SAMD11: variants seen among roughly 807,000 people sequenced by gnomAD.
SAMD11 encodes sterile alpha motif domain-containing protein 11.
SAMD11 carries 77 observed loss-of-function variants against 64.4 expected under a neutral mutation model. That is an observed-to-expected ratio of 1.20 (90% CI 0.99 to 1.44). The LOEUF is 1.44. Among genes scored for constraint, SAMD11 ranks in the 40% most tolerant of loss-of-function variants. SAMD11 has a pLI of 0.00. For synonymous variants in SAMD11, 658 were observed against 421.9 expected, an observed-to-expected ratio of 1.56 and a Z score of -6.86; for missense variants, 1,402 against 943.3, an observed-to-expected ratio of 1.49 and a Z score of -6.37.
In SAMD11 at chr1:942,891, C is replaced by T. The variant is rs754468595; in HGVS notation, c.1886C>T (p.Pro629Leu). The change falls in exon 11 of 14, where the codon CCC becomes CTC. Residue 629 changes from proline (P) to leucine (L), a missense_variant. Transcript: ENST00000616016. ...CAAGATGGCTCGGAAGACGAGCCCC[C>T]CAAAGACTCGGACGGAGAGGACCCC... ...WAQDGSEDEP[P>L]KDSDGEDPET... The T allele has an allele frequency of 6.4e-7, 1 of 1,555,852 alleles. No individual in the cohort carries two copies. Among genetic ancestry groups the T allele is most frequent in the South Asian group, 1.2e-5 (1 of 84,516 alleles).
intron 2 of SAMD11, among the ~76,000 whole-genome samples, chr1:927,591 T>C (rs544769471): frequency 6.6e-6 from 1 of 152,338 alleles, no homozygotes; most frequent in South Asian, 2.1e-4. Flanking sequence ...CCCATGTTTC[T>C]TACTCAGAGG....
Position 943,745 on chromosome 1 carries a change from G to C in SAMD11, c.2226G>C (p.Thr742=), listed in dbSNP as rs531354544. 1 of 1,608,818 alleles carries C rather than the reference G, an allele frequency of 6.2e-7. No individual in the cohort carries two copies. Among genetic ancestry groups the C allele is most frequent in the African/African-American group, 1.3e-5 (1 of 74,858 alleles). The change falls in exon 13 of 14, where the codon ACG becomes ACC. Residue 742 remains threonine, a synonymous_variant. Coordinates refer to ENST00000616016, the MANE Select transcript of SAMD11 (RefSeq NM_001385641.1). Reference sequence around the variant, plus strand: ...ACGGGGAGACCCTGCCACTGCTGACGGAGGAGCACCTGCTGACCAACATGG... The same window carrying C: ...ACGGGGAGACCCTGCCACTGCTGACCGAGGAGCACCTGCTGACCAACATGG... ...GIDGETLPLL[T]EEHLLTNMGL... is the part of the protein sequence containing the mutation.
intron 4 of SAMD11, 123 bp from the exon 5 acceptor site, chr1:935,649 G>A (rs1015638679): frequency 2.2e-6 from 3 of 1,341,062 alleles, no homozygotes; most frequent in Non-Finnish European, 2.1e-6. Context: ...CGTGGGCACA[G>A]CAACGTGGCA....
At position 941,970 on chromosome 1, in the gene SAMD11, G is replaced by A. The variant is rs956173040; in HGVS notation, c.1359-166G>A. The A allele has an allele frequency of 1.8e-4, 65 of 368,578 alleles. No homozygotes were observed. In the Middle Eastern group the frequency reaches 3.6e-3, roughly 20 times the overall value. The allele number at this position is 368,578 out of a possible 1,614,324, so 22.8% of individuals were successfully genotyped here. The stretch of plus-strand genomic sequence containing the variant: ...CTCCGCGCCGCCGCCGAGATTAATT[G>A]GCGCCGCCGGCGGGGGCGGGGATGG... On this transcript the variant is annotated intron_variant, in intron 8 of 13. Transcript: ENST00000616016.
chr1:938,293 C>T (rs550811155), intron 5 of SAMD11, among the ~76,000 whole-genome samples: 14 of 151,264 alleles, frequency 9.3e-5, no homozygotes, highest in African/African-American at 3.1e-4. Context: ...CTGGCCTGGG[C>T]CTCCCCTCTG....
At chr1:939,468 C>G (rs769144118) in intron 7 of SAMD11, 56 bp downstream of exon 7, 2 of 1,548,104 alleles carry the variant, frequency 1.3e-6, no homozygotes, top group African/African-American at 1.4e-5. Flanking sequence ...ACGGTGAGGA[C>G]CCACCCTGGC....
At chr1:938,870 A>T (rs1641598745) in intron 5 of SAMD11, among the ~76,000 whole-genome samples, 170 bp from the exon 6 acceptor site, 1 of 152,078 alleles carries the variant, frequency 6.6e-6, no homozygotes, top group Admixed American at 6.5e-5. Flanking sequence ...GCCAGGCGTG[A>T]TGTCCTCTGC....
chr1:940,348 AC>A lies in SAMD11; in HGVS notation c.1196-793del, dbSNP rs1257793064. 1.0e-4 allele frequency: 15 copies of A among 143,696 alleles called. No homozygotes were observed. The East Asian group carries it at 3.2e-3, about 31-fold the overall frequency. 8.9% of individuals were successfully genotyped at this position (143,696 alleles called of 1,614,324 possible). ...CCGGCCGTAAATAACCCTGTAACTAACCCGGCCGCTAGCGCGGGGGCGCTGG... is the reference window on the plus strand; with the variant it reads ...CCGGCCGTAAATAACCCTGTAACTAACCGGCCGCTAGCGCGGGGGCGCTGG... On this transcript the variant is annotated intron_variant, in intron 7 of 13. Transcript: ENST00000616016.
At chr1:943,431 A>G (rs1338456999) in intron 12 of SAMD11, 54 bp downstream of exon 12, 7 of 1,417,524 alleles carry the variant, frequency 4.9e-6, no homozygotes, top group Non-Finnish European at 5.7e-6. Flanking sequence ...GGCAGTCACT[A>G]CCTCCCTGGA....
chr1:943,457 G>C, intron 12 of SAMD11, 80 bp downstream of exon 12: 1 of 1,269,344 alleles, frequency 7.9e-7, no homozygotes, highest in Non-Finnish European at 1.1e-6. Context: ...TGGTGGGGTA[G>C]GGCCATTCCC....
At chr1:931,161 CCTGCTGT>C in intron 4 of SAMD11, 72 bp downstream of exon 4, 2 of 1,393,106 alleles carry the variant, frequency 1.4e-6, no homozygotes, top group Non-Finnish European at 2.0e-6. Context: ...CTGACCGTGC[CCTGCTGT>C]CTGCTGTCCG....
intron 7 of SAMD11, among the ~76,000 whole-genome samples, chr1:940,680 G>A (rs2100349599): frequency 6.6e-6 from 1 of 152,244 alleles, no homozygotes; most frequent in South Asian, 2.1e-4. Flanking sequence ...AGTGTGGCGT[G>A]CGTGCGCGGG....
In SAMD11 at chr1:930,340, C is replaced by T. The variant is rs776931933; in HGVS notation, c.791+4C>T. 9 of 1,598,770 alleles carry T rather than the reference C, an allele frequency of 5.6e-6. No individual in the cohort carries two copies. In the South Asian group the frequency reaches 7.9e-5, roughly 14 times the overall value. On this transcript the variant is annotated splice_donor_region_variant and intron_variant, in intron 3 of 13. Transcript: ENST00000616016. ...ACATCCGTATCATGAAGAGAAGGTA[C>T]TTGGACCAGGGCCGGACAGGAAGGC... is the stretch of plus-strand genomic sequence containing the variant.
chr1:935,987 C>T, intron 5 of SAMD11, 91 bp downstream of exon 5: 2 of 1,388,346 alleles, frequency 1.4e-6, no homozygotes, highest in African/African-American at 1.4e-5. Flanking sequence ...CCTTGGCAGG[C>T]AGCCAGAGAG....
chr1:926,840 A>G (rs1204482198), intron 2 of SAMD11, among the ~76,000 whole-genome samples: 1 of 152,252 alleles, frequency 6.6e-6, no homozygotes, highest in Middle Eastern at 3.4e-3. Flanking sequence ...GGGGGCTGCA[A>G]TTCCTGACAC....
chr1:931,212 C>T (rs1353563264), intron 4 of SAMD11, 123 bp downstream of exon 4: 11 of 895,308 alleles, frequency 1.2e-5, no homozygotes, highest in Non-Finnish European at 1.7e-5. Flanking sequence ...GTGATGCTGG[C>T]TGAGTGTCTG....
At chr1:926,103 C>T in intron 2 of SAMD11, 90 bp downstream of exon 2, 2 of 1,256,198 alleles carry the variant, frequency 1.6e-6, no homozygotes, top group South Asian at 1.2e-5. Flanking sequence ...ATCGAGAGTC[C>T]TAACCTCACC....
rs757796286 is a variant in SAMD11, at chr1:943,718, C to G, written c.2199C>G (p.Ile733Met). Residue 733 changes from isoleucine to methionine, a missense_variant, in exon 13 of 14, where the codon ATC (isoleucine) becomes ATG (methionine). By Grantham distance (10) the Ile-to-Met change is conservative. Coordinates refer to ENST00000616016, the MANE Select transcript of SAMD11 (RefSeq NM_001385641.1). ...EYTRVFREQGIDGETLPLLTE... is the reference protein window; with the variant it reads ...EYTRVFREQGMDGETLPLLTE... Reference sequence around the variant, plus strand: ...TCCAGGTCTTCAGGGAGCAGGGGATCGACGGGGAGACCCTGCCACTGCTGA... The same window carrying G: ...TCCAGGTCTTCAGGGAGCAGGGGATGGACGGGGAGACCCTGCCACTGCTGA... 1.9e-5 allele frequency: 30 copies of G among 1,591,966 alleles called. No homozygotes were observed. Among genetic ancestry groups the G allele is most frequent in the Non-Finnish European group, 2.6e-5 (30 of 1,167,514 alleles).
intron 7 of SAMD11, among the ~76,000 whole-genome samples, chr1:939,874 A>G (rs1306437939): frequency 1.3e-5 from 2 of 152,100 alleles, no homozygotes; most frequent in Non-Finnish European, 2.9e-5. Context: ...GCACTTGGCC[A>G]CCAGGACTCC....
Sources: gnomAD v4.1 joint callset for allele counts (sites outside exome capture counted in the v4.1 genomes callset) on GRCh38, gnomAD v4.1.1 for gene constraint, MANE v1.5 for transcripts, NCBI Gene and HGNC (gene_info 2026-07-23, HGNC 2026-07-21) for gene names.